TRERF1: variants seen among roughly 807,000 people sequenced by gnomAD.
TRERF1 encodes transcriptional regulating factor 1.
Under a neutral mutation model 122.9 loss-of-function variants are expected in TRERF1, and 27 were observed. The observed-to-expected ratio is 0.22, with a 90% CI of 0.16 to 0.30. The LOEUF is 0.30. Among genes scored for constraint, TRERF1 ranks in the 10% least tolerant of loss-of-function variants. The pLI, the probability that TRERF1 is intolerant of heterozygous loss-of-function variation, is 1.00. For missense variants in TRERF1, 1,248 were observed against 1,560.3 expected (o/e 0.80, Z 3.37); for synonymous variants, 636 against 641.7 (o/e 0.99, Z 0.13).
Position 42,268,520 on chromosome 6 carries a change from C to T in TRERF1, c.1071G>A (p.Gln357=), listed in dbSNP as rs374587532. ...CAGTGTGTGCCTGCTCTGGGGTATA[C>T]TGGTGAGGGTCCCTGTGATAAGAAG... Residue 357 remains glutamine, a synonymous_variant, in exon 5 of 18, where the codon CAG becomes CAA. Transcript: ENST00000372922. This position sits in a 1 kb window ranked among gnomAD's most constrained non-coding sequence, Gnocchi z 4.4. 14 of 1,613,916 alleles carry T rather than the reference C, an allele frequency of 8.7e-6. No individual in the cohort carries two copies. The highest frequency in any genetic ancestry group is 1.1e-5 in the Non-Finnish European group (13 of 1,179,934).
chr6:42,272,518 A>C (rs1278675462), intron 4 of TRERF1, among the ~76,000 whole-genome samples: 1 of 152,168 alleles, frequency 6.6e-6, no homozygotes, highest in African/African-American at 2.4e-5. Context: ...GCTCCAGTTG[A>C]GATCTATTGA....
At chr6:42,235,084 G>GT (rs10644115) in intron 16 of TRERF1, among the ~76,000 whole-genome samples, 3,504 of 148,326 alleles carry the variant, frequency 0.024, 56 homozygotes, top group Middle Eastern at 0.041. Flanking sequence ...TATCTTTTTT[G>GT]TTTTTTTTTT....
Position 42,427,458 on chromosome 6 carries a change from C to T in TRERF1, c.-454+23719G>A, listed in dbSNP as rs189692840. 1.1e-3 allele frequency among the ~76,000 whole-genome samples: 170 copies of T among 152,172 alleles called. 8 individuals are homozygous for T. Among genetic ancestry groups the T allele is most frequent in the Admixed American group, 0.01 (154 of 15,286 alleles). ...TAGAGACAGGATCTCACTATGTTGC[C>T]CAGGCTGGTTTTGAACTCCTGGGCT... is the stretch of plus-strand genomic sequence containing the variant. On this transcript the variant is annotated intron_variant, in intron 2 of 17. Transcript: ENST00000372922.
chr6:42,347,824 A>G (rs1768612600), intron 3 of TRERF1, among the ~76,000 whole-genome samples: 1 of 152,266 alleles, frequency 6.6e-6, no homozygotes, highest in East Asian at 1.9e-4. Flanking sequence ...CAGCACAAGG[A>G]GCAACAGAGC....
At chr6:42,370,319 G>A (rs745799375) in intron 2 of TRERF1, among the ~76,000 whole-genome samples, 4 of 152,146 alleles carry the variant, frequency 2.6e-5, no homozygotes, top group Non-Finnish European at 2.9e-5. Context: ...AAATGTAAAC[G>A]ATATCTGAGT....
intron 3 of TRERF1, among the ~76,000 whole-genome samples, chr6:42,308,378 T>C (rs1787654769): frequency 6.6e-6 from 1 of 152,164 alleles, no homozygotes; most frequent in Non-Finnish European, 1.5e-5. Context: ...AAAGGTCACA[T>C]AGTGTACGGT....
intron 2 of TRERF1, among the ~76,000 whole-genome samples, chr6:42,379,798 T>C (rs1308855136): frequency 6.6e-6 from 1 of 152,196 alleles, no homozygotes; most frequent in Non-Finnish European, 1.5e-5. Flanking sequence ...CCCAAAGTGC[T>C]GGGATGACAT....
intron 8 of TRERF1, among the ~76,000 whole-genome samples, chr6:42,262,758 C>T (rs1247371634): frequency 2.0e-5 from 3 of 152,212 alleles, no homozygotes; most frequent in East Asian, 3.9e-4. Context: ...GGAACTTTAA[C>T]GAATTAGGTT....
intron 2 of TRERF1, among the ~76,000 whole-genome samples, chr6:42,426,213 C>T (rs565850845): frequency 6.6e-6 from 1 of 152,280 alleles, no homozygotes; most frequent in South Asian, 2.1e-4. Flanking sequence ...CTAGCAAATG[C>T]CTACTACACA....
chr6:42,236,759 C>T (rs1280480583), intron 15 of TRERF1, among the ~76,000 whole-genome samples: 3 of 152,368 alleles, frequency 2.0e-5, no homozygotes, highest in Admixed American at 6.5e-5. Flanking sequence ...ACTCAGGCTG[C>T]GTCCTGCCTG....
At chr6:42,355,286 A>C (rs1469483517) in intron 3 of TRERF1, among the ~76,000 whole-genome samples, 1 of 152,186 alleles carries the variant, frequency 6.6e-6, no homozygotes, top group Non-Finnish European at 1.5e-5. Flanking sequence ...AAACTGATTG[A>C]ATACACTTTT....
At chr6:42,249,341 T>A (rs1262962148) in intron 13 of TRERF1, among the ~76,000 whole-genome samples, 3 of 152,194 alleles carry the variant, frequency 2.0e-5, no homozygotes, top group Non-Finnish European at 2.9e-5. Flanking sequence ...GCAGTGGATA[T>A]ACTTTTTTCT....
intron 2 of TRERF1, among the ~76,000 whole-genome samples, chr6:42,418,266 C>CTTTCTT (rs1554211463): frequency 2.4e-4 from 9 of 37,020 alleles, no homozygotes; most frequent in African/African-American, 4.8e-4. Flanking sequence ...TTCTTTCTTT[C>CTTTCTT]TTTTTTTTTT....
At chr6:42,293,576 GTCC>G (rs1345694635) in intron 4 of TRERF1, among the ~76,000 whole-genome samples, 1 of 152,038 alleles carries the variant, frequency 6.6e-6, no homozygotes, top group Non-Finnish European at 1.5e-5. Flanking sequence ...CTCTCATGTT[GTCC>G]TCCTTTTTCT....
At chr6:42,280,802 G>A (rs1486939089) in intron 4 of TRERF1, among the ~76,000 whole-genome samples, 1 of 152,062 alleles carries the variant, frequency 6.6e-6, no homozygotes, top group East Asian at 1.9e-4. Context: ...GTCCTTGAGA[G>A]GCAAGTCCAT....
At chr6:42,352,104 A>G in intron 3 of TRERF1, among the ~76,000 whole-genome samples, 1 of 152,166 alleles carries the variant, frequency 6.6e-6, no homozygotes, top group East Asian at 1.9e-4. Flanking sequence ...TCCCAGGCTC[A>G]GGTGGTCCTC....
intron 3 of TRERF1, among the ~76,000 whole-genome samples, chr6:42,306,843 T>G (rs1006590297): frequency 6.6e-6 from 1 of 152,226 alleles, no homozygotes; most frequent in African/African-American, 2.4e-5. Flanking sequence ...GTCTCCCCAG[T>G]CAGACTGTAA....
chr6:42,291,699 G>GTT (rs1014135394), intron 4 of TRERF1, among the ~76,000 whole-genome samples: 3 of 144,988 alleles, frequency 2.1e-5, no homozygotes, highest in Non-Finnish European at 3.1e-5. Flanking sequence ...ACGCCCGGCT[G>GTT]TTTTTTTTTT....
In TRERF1 at chr6:42,259,836, A is replaced by G; in HGVS notation, c.1885-113T>C. The G allele has an allele frequency of 1.4e-6, 2 of 1,387,500 alleles. No homozygotes were observed. Among genetic ancestry groups the G allele is most frequent in the Admixed American group, 2.4e-5 (1 of 42,314 alleles). The allele number at this position is 1,387,500 out of a possible 1,614,324, so 85.9% of individuals were successfully genotyped here. On this transcript the variant is annotated intron_variant, in intron 8 of 17. Transcript: ENST00000372922. The surrounding 1 kb of genome is among the most constrained non-coding windows in gnomAD (Gnocchi z 4.9). ...TCTAAGCAGAGAGCCCTTCTGCTTG[A>G]CCCCCCCACCCCCAACGCCCCCACA...
Sources: gnomAD v4.1 joint callset for allele counts (sites outside exome capture counted in the v4.1 genomes callset) on GRCh38, gnomAD v4.1.1 for gene constraint, Gnocchi (gnomAD v3.1) non-coding constraint, MANE v1.5 for transcripts, NCBI Gene and HGNC (gene_info 2026-07-23, HGNC 2026-07-21) for gene names.